GAB2: variants seen among roughly 807,000 people sequenced by gnomAD.
GAB2 encodes GRB2 associated binding protein 2.
Under a neutral mutation model 65.5 loss-of-function variants are expected in GAB2, and 26 were observed. The observed-to-expected ratio is 0.40, with a 90% CI of 0.29 to 0.55. The LOEUF (loss-of-function observed/expected upper bound fraction) is 0.55. GAB2 is among the 20% of genes least tolerant of loss of function. GAB2 has a pLI of 0.53. For synonymous variants in GAB2, 321 were observed against 329.6 expected, an observed-to-expected ratio of 0.97 and a Z score of 0.28; for missense variants, 884 against 875.8, an observed-to-expected ratio of 1.01 and a Z score of -0.12.
At chr11:78,397,191 C>A (rs80020909) in intron 1 of GAB2, among the ~76,000 whole-genome samples, 3,215 of 151,814 alleles carry the variant, frequency 0.021, 110 homozygotes, top group African/African-American at 0.073. Context: ...AACAAACAAA[C>A]AAAAAAAACC....
intron 1 of GAB2, among the ~76,000 whole-genome samples, chr11:78,370,723 GTA>G (rs1025109508): frequency 8.2e-5 from 12 of 146,976 alleles, no homozygotes; most frequent in African/African-American, 1.1e-4. Flanking sequence ...GTGTGTGTGT[GTA>G]TGTGTGTGTG....
rs557160729 is a variant in GAB2 at position 78,408,133 on chromosome 11, T to C, written c.75+9513A>G. On this transcript the variant is annotated intron_variant, in intron 1 of 9. Coordinates refer to ENST00000361507, the MANE Select transcript of GAB2 (RefSeq NM_080491.3). ...AAGCACATAGTAAACAAAAATGTAA[T>C]TAAATAGTCTTTCCTTCTGAGTTTT... is the stretch of plus-strand genomic sequence containing the variant. Among the ~76,000 whole-genome samples the C allele has an allele frequency of 3.9e-5, 6 of 152,274 alleles. No homozygotes were observed. In the East Asian group the frequency reaches 1.2e-3, roughly 29 times the overall value.
chr11:78,312,411 T>C (rs1325079817), intron 1 of GAB2, among the ~76,000 whole-genome samples: 2 of 152,192 alleles, frequency 1.3e-5, no homozygotes, highest in African/African-American at 4.8e-5. Context: ...GAGTTGTTAC[T>C]ATTATTATCC....
intron 1 of GAB2, among the ~76,000 whole-genome samples, chr11:78,355,330 C>T (rs902068067): frequency 2.7e-4 from 41 of 152,130 alleles, no homozygotes; most frequent in Non-Finnish European, 5.9e-5. Flanking sequence ...CAAGAGCTCT[C>T]CCACCCAACT....
At chr11:78,322,812 AAC>A (rs1460351401) in intron 1 of GAB2, among the ~76,000 whole-genome samples, 4 of 151,336 alleles carry the variant, frequency 2.6e-5, no homozygotes, top group African/African-American at 9.8e-5. Context: ...AAAAAAAAAA[AAC>A]AACAACAGAT....
intron 1 of GAB2, among the ~76,000 whole-genome samples, chr11:78,336,028 T>C (rs1368947209): frequency 6.6e-6 from 1 of 151,932 alleles, no homozygotes; most frequent in African/African-American, 2.4e-5. Flanking sequence ...AAAATTATTT[T>C]CCAGGTCGGG....
intron 1 of GAB2, among the ~76,000 whole-genome samples, chr11:78,411,187 A>T (rs1857124848): frequency 6.6e-6 from 1 of 152,086 alleles, no homozygotes; most frequent in Admixed American, 6.6e-5. Flanking sequence ...AAGGAGAAGA[A>T]AATAAACGAA....
At position 78,223,263 on chromosome 11, in the gene GAB2, A is replaced by G. The variant is rs928899720; in HGVS notation, c.1567+149T>C. ...CTGGGAGGTAGGAATTACCATCTGC[A>G]TTTCACAGATAAGAAAACTGAGACT... On this transcript the variant is annotated intron_variant, in intron 6 of 9. Coordinates refer to ENST00000361507, the MANE Select transcript of GAB2 (RefSeq NM_080491.3). 8.5e-6 allele frequency: 5 copies of G among 590,280 alleles called. No individual in the cohort carries two copies. The East Asian group carries it at 1.6e-4, about 19-fold the overall frequency. 36.6% of individuals were successfully genotyped at this position (590,280 alleles called of 1,614,324 possible).
chr11:78,303,662 C>T (rs997035235), intron 1 of GAB2, among the ~76,000 whole-genome samples: 17 of 152,102 alleles, frequency 1.1e-4, no homozygotes, highest in South Asian at 4.1e-4. Flanking sequence ...CATTTCCATA[C>T]GGATTTTAGA....
At chr11:78,301,803 C>T (rs1037363937) in intron 1 of GAB2, among the ~76,000 whole-genome samples, 6 of 152,110 alleles carry the variant, frequency 3.9e-5, no homozygotes, top group South Asian at 2.1e-4. Flanking sequence ...TACTATAAGG[C>T]TATAGTCATT....
chr11:78,273,881 C>T (rs73496748), intron 2 of GAB2, among the ~76,000 whole-genome samples: 3,161 of 152,192 alleles, frequency 0.021, 90 homozygotes, highest in African/African-American at 0.072. Context: ...AGAGGAGTTC[C>T]CCTGTAAGAG....
In GAB2 at chr11:78,215,359, A is replaced by G. The variant is rs1464379463; in HGVS notation, c.*3913T>C. The G allele has an allele frequency of 6.6e-6, 1 of 152,656 alleles. No individual in the cohort carries two copies. The highest frequency in any genetic ancestry group is 2.4e-5 in the African/African-American group (1 of 41,444). 9.5% of individuals were successfully genotyped at this position (152,656 alleles called of 1,614,324 possible). ...ACACCACAGTAGAAAGGGACCTGCA[A>G]GCTCCAAGCCTGTACCATGTGTCAC... On this transcript the variant is annotated 3_prime_UTR_variant, in exon 10 of 10. Transcript: ENST00000361507.
intron 6 of GAB2, among the ~76,000 whole-genome samples, chr11:78,222,625 C>G (rs1036899843): frequency 6.6e-6 from 1 of 151,710 alleles, no homozygotes; most frequent in African/African-American, 2.4e-5. Flanking sequence ...CTCTGTTGCT[C>G]AGGCTGGAGT....
At chr11:78,393,222 G>GA (rs1348515483) in intron 1 of GAB2, among the ~76,000 whole-genome samples, 1 of 152,176 alleles carries the variant, frequency 6.6e-6, no homozygotes, top group Non-Finnish European at 1.5e-5. Context: ...GGGAGCTGCT[G>GA]AGTTAACAGG....
chr11:78,260,339 C>T (rs534482275), intron 2 of GAB2, among the ~76,000 whole-genome samples: 5 of 152,178 alleles, frequency 3.3e-5, no homozygotes, highest in Admixed American at 3.3e-4. Context: ...GGAAAGAGAG[C>T]GAGTGACTGT....
At chr11:78,355,884 G>A (rs1162991436) in intron 1 of GAB2, among the ~76,000 whole-genome samples, 1 of 151,908 alleles carries the variant, frequency 6.6e-6, no homozygotes, top group Non-Finnish European at 1.5e-5. Context: ...AAGACACAGT[G>A]GCTGGGTGTG....
At position 78,405,369 on chromosome 11, in the gene GAB2, G is replaced by C. The variant is rs570866645; in HGVS notation, c.75+12277C>G. 9.8e-5 allele frequency among the ~76,000 whole-genome samples: 15 copies of C among 152,304 alleles called. No homozygotes were observed. In the South Asian group the frequency reaches 3.1e-3, roughly 32 times the overall value. ...CTGCCTCGGCCTCCCAAAGTGCTGG[G>C]ATTATAGGCGTGAGCCACCACGCCT... On this transcript the variant is annotated intron_variant, in intron 1 of 9. Transcript: ENST00000361507.
chr11:78,233,202 G>A (rs902566943), intron 3 of GAB2, among the ~76,000 whole-genome samples: 8 of 152,010 alleles, frequency 5.3e-5, no homozygotes, highest in African/African-American at 1.7e-4. Context: ...ACCATGCCTG[G>A]CTAATTGTTT....
Position 78,218,881 on chromosome 11 carries a change from G to C in GAB2, c.*391C>G, listed in dbSNP as rs986051066. 5.8e-6 allele frequency: 1 copy of C among 172,072 alleles called. No homozygotes were observed. The highest frequency in any genetic ancestry group is 1.2e-5 in the Non-Finnish European group (1 of 81,270). The allele number at this position is 172,072 out of a possible 1,614,324, so 10.7% of individuals were successfully genotyped here. A position where few individuals can be genotyped will look rare whatever the true frequency, so the allele number is the denominator to read the frequency against. On this transcript the variant is annotated 3_prime_UTR_variant, in exon 10 of 10. Transcript: ENST00000361507. ...GAGGTAGCCCAGTGGCCGGAGGGAA[G>C]ATAGCTGAGGGCTGTGACTGAACGT...
Sources: gnomAD v4.1 joint callset for allele counts (sites outside exome capture counted in the v4.1 genomes callset) on GRCh38, gnomAD v4.1.1 for gene constraint, MANE v1.5 for transcripts, NCBI Gene and HGNC (gene_info 2026-07-23, HGNC 2026-07-21) for gene names.